The following SLX4IP variants were observed in gnomAD, a reference collection of about 807,000 sequenced individuals.
The protein encoded by SLX4IP is SLX4 interacting protein, also known as protein SLX4IP.
In SLX4IP, 34 loss-of-function variants were observed where a neutral mutation model predicts 32.9. The ratio of observed to expected loss-of-function variants is 1.03; its 90% CI spans 0.79 to 1.38. SLX4IP has a LOEUF of 1.38. Among genes scored for constraint, SLX4IP ranks in the 40% most tolerant of loss-of-function variants. The pLI is 0.00. For missense variants in SLX4IP, 444 were observed against 479.0 expected, an observed-to-expected ratio of 0.93 and a Z score of 0.68; for synonymous variants, 172 against 171.7, an observed-to-expected ratio of 1.00 and a Z score of -0.01.
At position 10,582,707 on chromosome 20, in the gene SLX4IP, C is replaced by T. The variant is rs190554708; in HGVS notation, c.239-15968C>T. ...AAGGAAGATAAGAGCTTTACAATCA[C>T]CTATTAGATCATTTTTGTTTAGATT... On this transcript the variant is annotated intron_variant, in intron 4 of 7. Transcript: ENST00000334534. Among the ~76,000 whole-genome samples the T allele has an allele frequency of 4.7e-4, 72 of 152,200 alleles. No homozygotes were observed. The South Asian group carries it at 0.013, about 27-fold the overall frequency.
chr20:10,541,698 T>C (rs1456097975), intron 2 of SLX4IP, among the ~76,000 whole-genome samples: 2 of 151,832 alleles, frequency 1.3e-5, no homozygotes, highest in African/African-American at 4.8e-5. Flanking sequence ...TTAAATAAGA[T>C]ACTGAGACTG....
intron 1 of SLX4IP, among the ~76,000 whole-genome samples, chr20:10,441,741 T>TTA (rs386393293): frequency 6.6e-6 from 1 of 152,016 alleles, no homozygotes; most frequent in Non-Finnish European, 1.5e-5. Context: ...GTTTTTTTTT[T>TTA]TATAAGTAAA....
intron 2 of SLX4IP, among the ~76,000 whole-genome samples, chr20:10,501,961 GT>G: frequency 6.6e-6 from 1 of 152,318 alleles, no homozygotes; most frequent in East Asian, 1.9e-4. Context: ...AGAGCACACC[GT>G]TTGTCTTTAA....
chr20:10,611,429 C>T (rs2066965138), intron 6 of SLX4IP, among the ~76,000 whole-genome samples: 1 of 152,216 alleles, frequency 6.6e-6, no homozygotes, highest in African/African-American at 2.4e-5. Flanking sequence ...ATCATTAAGA[C>T]TCCATTTCTC....
intron 2 of SLX4IP, among the ~76,000 whole-genome samples, chr20:10,469,477 C>G (rs2065406185): frequency 6.6e-6 from 1 of 152,084 alleles, no homozygotes; most frequent in Non-Finnish European, 1.5e-5. Context: ...TAAAATGTTT[C>G]AGTATAATGG....
At chr20:10,440,077 G>A (rs1036274711) in intron 1 of SLX4IP, among the ~76,000 whole-genome samples, 1 of 151,854 alleles carries the variant, frequency 6.6e-6, no homozygotes, top group Non-Finnish European at 1.5e-5. Flanking sequence ...TTACAATATC[G>A]TGGACATAGA....
intron 2 of SLX4IP, among the ~76,000 whole-genome samples, chr20:10,492,505 T>G (rs999872529): frequency 6.6e-6 from 1 of 152,230 alleles, no homozygotes; most frequent in Non-Finnish European, 1.5e-5. Flanking sequence ...CTCATTTTTC[T>G]GCAGGACTGT....
At chr20:10,615,988 C>T (rs6032909) in intron 6 of SLX4IP, among the ~76,000 whole-genome samples, 1 of 152,128 alleles carries the variant, frequency 6.6e-6, no homozygotes, top group African/African-American at 2.4e-5. Context: ...ATTGGCAGCA[C>T]CTGAATTTTG....
chr20:10,563,877 T>C (rs2122505760), intron 4 of SLX4IP, among the ~76,000 whole-genome samples: 2 of 152,362 alleles, frequency 1.3e-5, no homozygotes, highest in Middle Eastern at 3.4e-3. Context: ...ACAGTTGCTT[T>C]GGCTATTTGG....
intron 2 of SLX4IP, among the ~76,000 whole-genome samples, chr20:10,539,205 T>G (rs2066077750): frequency 6.6e-6 from 1 of 152,138 alleles, no homozygotes; most frequent in African/African-American, 2.4e-5. Context: ...AGAATCTGAT[T>G]TAGAAAGAAA....
intron 4 of SLX4IP, among the ~76,000 whole-genome samples, chr20:10,562,974 T>C (rs1205935499): frequency 1.3e-5 from 2 of 152,228 alleles, no homozygotes; most frequent in African/African-American, 4.8e-5. Flanking sequence ...TTGTAGATTT[T>C]TGAGGAACCT....
chr20:10,605,867 T>G (rs528529709), intron 6 of SLX4IP, among the ~76,000 whole-genome samples: 2 of 152,178 alleles, frequency 1.3e-5, no homozygotes, highest in African/African-American at 4.8e-5. Flanking sequence ...CACTACTGTT[T>G]AGTGGTAAAG....
chr20:10,611,536 G>A (rs2066966533), intron 6 of SLX4IP, among the ~76,000 whole-genome samples: 1 of 152,196 alleles, frequency 6.6e-6, no homozygotes, highest in African/African-American at 2.4e-5. Flanking sequence ...CTTCCAGCAG[G>A]GGGAGGTGAG....
chr20:10,589,589 C>A (rs2066682810), intron 4 of SLX4IP, among the ~76,000 whole-genome samples: 1 of 152,050 alleles, frequency 6.6e-6, no homozygotes, highest in Non-Finnish European at 1.5e-5. Flanking sequence ...GACCTGGCAA[C>A]CAGGGATCAG....
chr20:10,508,116 G>C (rs1448560271), intron 2 of SLX4IP, among the ~76,000 whole-genome samples: 1 of 152,192 alleles, frequency 6.6e-6, no homozygotes, highest in East Asian at 1.9e-4. Flanking sequence ...GGGAGGTAGA[G>C]AAGAGAGCCA....
chr20:10,466,300 G>A (rs951306772), intron 2 of SLX4IP, among the ~76,000 whole-genome samples: 1 of 152,128 alleles, frequency 6.6e-6, no homozygotes, highest in African/African-American at 2.4e-5. Flanking sequence ...GGGTCCCAGC[G>A]GAGCAGTGCT....
intron 4 of SLX4IP, among the ~76,000 whole-genome samples, chr20:10,591,280 C>A (rs143845561): frequency 1.3e-5 from 2 of 152,336 alleles, no homozygotes; most frequent in Admixed American, 6.5e-5. Context: ...GTGGTCCTGG[C>A]TGACAAACAG....
At chr20:10,535,991 T>G (rs1006125796) in intron 2 of SLX4IP, among the ~76,000 whole-genome samples, 2 of 102,128 alleles carry the variant, frequency 2.0e-5, no homozygotes, top group African/African-American at 6.0e-5. Context: ...GAAACACTAG[T>G]GAGGGAGAAA....
intron 2 of SLX4IP, among the ~76,000 whole-genome samples, chr20:10,472,015 G>A (rs1298858020): frequency 6.6e-6 from 1 of 152,120 alleles, no homozygotes; most frequent in African/African-American, 2.4e-5. Flanking sequence ...ATTCTATTGG[G>A]CAGCAAATCA....
Sources: allele counts gnomAD v4.1 joint callset (sites outside exome capture counted in the v4.1 genomes callset), GRCh38; gene constraint gnomAD v4.1.1; transcripts MANE v1.5; gene names NCBI Gene and HGNC (gene_info 2026-07-23, HGNC 2026-07-21).